RGS6: variants seen among roughly 807,000 people sequenced by gnomAD.
RGS6 encodes regulator of G-protein signaling 6.
A neutral mutation model predicts 78.5 loss-of-function variants in RGS6; 30 were observed. The ratio of observed to expected loss-of-function variants is 0.38; its 90% CI spans 0.29 to 0.52. RGS6 has a LOEUF of 0.52. Among genes scored for constraint, RGS6 ranks in the 20% least tolerant of loss-of-function variants. RGS6 has a pLI of 0.85. For synonymous variants in RGS6, 206 were observed against 206.0 expected (o/e 1.00, Z 0.00); for missense variants, 495 against 609.7 (o/e 0.81, Z 1.98).
intron 2 of RGS6, among the ~76,000 whole-genome samples, chr14:72,231,812 A>C (rs11847170): frequency 0.049 from 7,426 of 151,902 alleles, 304 homozygotes; most frequent in African/African-American, 0.11. Flanking sequence ...CAGAGGCTGG[A>C]GGCTGCTTCT....
chr14:72,514,740 G>A (rs920543577), intron 14 of RGS6, among the ~76,000 whole-genome samples: 2 of 152,234 alleles, frequency 1.3e-5, no homozygotes, highest in Non-Finnish European at 2.9e-5. Context: ...CCCTTCTGCT[G>A]CAAGCCATGG....
chr14:72,158,309 T>C (rs189325973), intron 2 of RGS6, among the ~76,000 whole-genome samples: 28 of 152,186 alleles, frequency 1.8e-4, no homozygotes, highest in Admixed American at 1.8e-3. Context: ...GAATTTCTTC[T>C]TCTCGTGAGG....
chr14:72,483,312 G>A (rs936625310), intron 12 of RGS6, among the ~76,000 whole-genome samples: 2 of 152,150 alleles, frequency 1.3e-5, no homozygotes, highest in Non-Finnish European at 2.9e-5. Flanking sequence ...GTTTCATTCC[G>A]TACCTGCATC....
intron 2 of RGS6, among the ~76,000 whole-genome samples, chr14:72,290,220 C>CA (rs1229362309): frequency 6.6e-6 from 1 of 152,206 alleles, no homozygotes; most frequent in Non-Finnish European, 1.5e-5. Flanking sequence ...TCAAGCGTTA[C>CA]ACCCAGTATG....
intron 2 of RGS6, among the ~76,000 whole-genome samples, chr14:72,264,505 A>C (rs1354742321): frequency 6.6e-6 from 1 of 152,222 alleles, no homozygotes; most frequent in Non-Finnish European, 1.5e-5. Context: ...GGGAGAGGAA[A>C]GTACTCTCAC....
intron 2 of RGS6, among the ~76,000 whole-genome samples, chr14:72,224,381 C>T (rs1428018356): frequency 6.6e-6 from 1 of 151,760 alleles, no homozygotes; most frequent in Non-Finnish European, 1.5e-5. Flanking sequence ...GGTGCTGTTG[C>T]ACTCCAGCCT....
intron 3 of RGS6, among the ~76,000 whole-genome samples, chr14:72,409,264 A>T (rs1005821784): frequency 3.3e-4 from 51 of 152,346 alleles, no homozygotes; most frequent in Middle Eastern, 3.4e-3. Context: ...CCAGAACCAG[A>T]AAAGGTTCAG....
intron 2 of RGS6, among the ~76,000 whole-genome samples, chr14:72,162,718 C>T (rs745869547): frequency 5.9e-5 from 9 of 151,940 alleles, no homozygotes; most frequent in Non-Finnish European, 7.4e-5. Flanking sequence ...CAGCACAATT[C>T]GCAATTGCAA....
intron 3 of RGS6, among the ~76,000 whole-genome samples, chr14:72,381,525 C>A (rs2152889804): frequency 6.6e-6 from 1 of 152,138 alleles, no homozygotes; most frequent in Non-Finnish European, 1.5e-5. Context: ...ATGGACGCTA[C>A]AAGGCAGTAG....
At chr14:72,540,484 C>A in intron 17 of RGS6, 2 of 1,555,504 alleles carry the variant, frequency 1.3e-6, no homozygotes, top group Non-Finnish European at 8.6e-7. Flanking sequence ...AGAACCATAG[C>A]TCATCGAAAA....
intron 12 of RGS6, among the ~76,000 whole-genome samples, chr14:72,479,532 A>G (rs1292409499): frequency 6.6e-6 from 1 of 152,226 alleles, no homozygotes; most frequent in Non-Finnish European, 1.5e-5. Flanking sequence ...GGGTGGGGTG[A>G]AAGTCACTCC....
chr14:72,266,365 C>T (rs1404378119), intron 2 of RGS6, among the ~76,000 whole-genome samples: 1 of 152,072 alleles, frequency 6.6e-6, no homozygotes, highest in African/African-American at 2.4e-5. Context: ...GGCCAAGCCT[C>T]CTAAGCCTGG....
At chr14:72,408,213 T>G (rs1397906357) in intron 3 of RGS6, among the ~76,000 whole-genome samples, 1 of 152,198 alleles carries the variant, frequency 6.6e-6, no homozygotes, top group African/African-American at 2.4e-5. Context: ...CTCAGCAGTT[T>G]TAGATCAACT....
intron 2 of RGS6, among the ~76,000 whole-genome samples, chr14:72,135,516 A>G (rs1463502120): frequency 6.6e-6 from 1 of 152,090 alleles, no homozygotes; most frequent in African/African-American, 2.4e-5. Flanking sequence ...CATGTTTTTT[A>G]TATTTACTAT....
At chr14:72,609,907 C>T in the RGS6 span, among the ~76,000 whole-genome samples, 1 of 152,204 alleles carries the variant, frequency 6.6e-6, no homozygotes, top group Non-Finnish European at 1.5e-5. Flanking sequence ...AAGGCAAAAC[C>T]TCATCTGCAA....
chr14:72,629,802 A>G, the RGS6 span: 70 of 1,259,318 alleles, frequency 5.6e-5, no homozygotes, highest in Non-Finnish European at 7.8e-5. Flanking sequence ...AACACCACTC[A>G]CTGGAAACAC....
intron 2 of RGS6, among the ~76,000 whole-genome samples, chr14:72,029,240 A>G (rs2090441080): frequency 6.6e-6 from 1 of 152,218 alleles, no homozygotes. Context: ...CCACTGCATA[A>G]TCCTTGTCAC....
intron 14 of RGS6, among the ~76,000 whole-genome samples, 182 bp from the exon 15 acceptor site, chr14:72,518,169 C>T (rs1175887696): frequency 6.6e-6 from 1 of 152,178 alleles, no homozygotes; most frequent in Non-Finnish European, 1.5e-5. Context: ...CTGTTCTGCA[C>T]CATAGGAACA....
At chr14:72,471,534 A>G (rs1190135438) in intron 8 of RGS6, among the ~76,000 whole-genome samples, 1 of 152,186 alleles carries the variant, frequency 6.6e-6, no homozygotes, top group Admixed American at 6.5e-5. Flanking sequence ...TTCCTGGGCG[A>G]TGTTGCAGCC....
Sources: gnomAD v4.1 joint callset for allele counts (sites outside exome capture counted in the v4.1 genomes callset) on GRCh38, gnomAD v4.1.1 for gene constraint, MANE v1.5 for transcripts, NCBI Gene and HGNC (gene_info 2026-07-23, HGNC 2026-07-21) for gene names.